The following FZD3 variants were observed in gnomAD, a reference collection of about 807,000 sequenced individuals.
The protein encoded by FZD3 is frizzled-3.
A neutral mutation model predicts 60.7 loss-of-function variants in FZD3; 30 were observed. The ratio of observed to expected loss-of-function variants is 0.49; its 90% CI spans 0.37 to 0.67. FZD3 has a LOEUF of 0.67. Among genes scored for constraint, FZD3 ranks in the 30% least tolerant of loss-of-function variants. The pLI, the probability that FZD3 is intolerant of heterozygous loss-of-function variation, is 0.00. For missense variants in FZD3, 605 were observed against 838.7 expected (o/e 0.72, Z 3.44); for synonymous variants, 246 against 275.2 (o/e 0.89, Z 1.05).
intron 3 of FZD3, among the ~76,000 whole-genome samples, chr8:28,515,415 C>A (rs1804398471): frequency 6.6e-6 from 1 of 152,134 alleles, no homozygotes; most frequent in South Asian, 2.1e-4. Context: ...GGAAGAAGGC[C>A]AAGCGGGTGA....
chr8:28,522,082 A>T (rs1202550148), intron 4 of FZD3, among the ~76,000 whole-genome samples: 5 of 151,712 alleles, frequency 3.3e-5, no homozygotes, highest in Non-Finnish European at 7.4e-5. Context: ...TAATGAAACC[A>T]ATTTGTTTTC....
Position 28,527,912 on chromosome 8 carries a change from A to G in FZD3, c.1152A>G (p.Val384=). Residue 384 remains valine, a synonymous_variant, in exon 5 of 8, where the codon GTA becomes GTG. Transcript: ENST00000240093. This position sits in a 1 kb window ranked among gnomAD's most constrained non-coding sequence, Gnocchi z 5.0. ...TTGCTCCCCTCTGCCTGTATGTGGT[A>G]GTTGGGGTTTCTCTCCTCTTAGCTG... ...FVLAPLCLYV[V]VGVSLLLAGI... 1 of 1,614,092 alleles carries G rather than the reference A, an allele frequency of 6.2e-7. No individual in the cohort carries two copies. Among genetic ancestry groups the G allele is most frequent in the South Asian group, 1.1e-5 (1 of 91,086 alleles).
chr8:28,537,665 G>A (rs1302242202), intron 5 of FZD3, among the ~76,000 whole-genome samples: 1 of 152,206 alleles, frequency 6.6e-6, no homozygotes, highest in Non-Finnish European at 1.5e-5. Context: ...GCTGTAGTTT[G>A]TTGACAAGTA....
chr8:28,547,360 G>T (rs1389868921), intron 5 of FZD3, among the ~76,000 whole-genome samples: 2 of 152,094 alleles, frequency 1.3e-5, no homozygotes, highest in African/African-American at 4.8e-5. Flanking sequence ...TATGATATGT[G>T]TACAATACTT....
At chr8:28,534,800 C>T (rs149198921) in intron 5 of FZD3, among the ~76,000 whole-genome samples, 1,683 of 152,282 alleles carry the variant, frequency 0.011, 19 homozygotes, top group Middle Eastern at 0.027. Flanking sequence ...ATACAGACTT[C>T]TGAATTAAGC....
chr8:28,501,754 A>G (rs1804000074), intron 2 of FZD3, among the ~76,000 whole-genome samples: 1 of 152,184 alleles, frequency 6.6e-6, no homozygotes, highest in South Asian at 2.1e-4. Flanking sequence ...GGAAACAATA[A>G]CTGGGAATTA....
chr8:28,539,864 T>TA (rs869214147), intron 5 of FZD3, among the ~76,000 whole-genome samples: 1 of 137,268 alleles, frequency 7.3e-6, no homozygotes, highest in African/African-American at 2.7e-5. Context: ...TAAAAAAAAA[T>TA]ACCTCAAGTG....
At position 28,504,433 on chromosome 8, in the gene FZD3, GAACTAGA is replaced by G. The variant is rs1032750937; in HGVS notation, c.189+1235_189+1241del. Among the ~76,000 whole-genome samples, 314 of 152,252 alleles carry G rather than the reference GAACTAGA, an allele frequency of 2.1e-3. 4 individuals carry two copies. The highest frequency in any genetic ancestry group is 7.1e-3 in the African/African-American group (296 of 41,552). ...AGCTATCAATTTCTCACAGAAAATT[GAACTAGA>G]AACATTTTTATTTCTGGTATCATTT... On this transcript the variant is annotated intron_variant, in intron 3 of 7. Transcript: ENST00000240093.
intron 3 of FZD3, among the ~76,000 whole-genome samples, chr8:28,506,031 G>GA (rs989983149): frequency 1.3e-5 from 2 of 152,092 alleles, no homozygotes; most frequent in Non-Finnish European, 2.9e-5. Flanking sequence ...CTTTTGATAG[G>GA]AAAAAAATGC....
intron 5 of FZD3, among the ~76,000 whole-genome samples, chr8:28,537,604 C>CA (rs1805050536): frequency 6.6e-6 from 1 of 152,180 alleles, no homozygotes; most frequent in Non-Finnish European, 1.5e-5. Context: ...GGAAGTATTC[C>CA]AATAAAGCTT....
intron 1 of FZD3, among the ~76,000 whole-genome samples, chr8:28,494,584 C>T (rs1164168064): frequency 2.0e-5 from 3 of 152,074 alleles, no homozygotes; most frequent in African/African-American, 7.2e-5. Flanking sequence ...GCGGTGGCGG[C>T]TGGGGGCCTC....
Position 28,565,080 on chromosome 8 carries a change from A to C in FZD3, c.*2069A>C, listed in dbSNP as rs1563410253. 6.6e-6 allele frequency: 1 copy of C among 152,126 alleles called. No homozygotes were observed. 9.4% of individuals were successfully genotyped at this position (152,126 alleles called of 1,614,324 possible). On this transcript the variant is annotated 3_prime_UTR_variant, in exon 8 of 8. Transcript: ENST00000240093. ...TCTTACCCTTTAAAACAAACTGCCAAGAAATTAGGTGTTGAAAAAGAATAT... is the reference window on the plus strand; with the variant it reads ...TCTTACCCTTTAAAACAAACTGCCACGAAATTAGGTGTTGAAAAAGAATAT...
rs1805665711 is a variant in FZD3, at chr8:28,564,254, A to G, written c.*1243A>G. ...ATAATGTTTAAATAATTTACAATATAAACTGTAAAACTTATTAGGCATGAA... is the reference window on the plus strand; with the variant it reads ...ATAATGTTTAAATAATTTACAATATGAACTGTAAAACTTATTAGGCATGAA... On this transcript the variant is annotated 3_prime_UTR_variant, in exon 8 of 8. Coordinates refer to ENST00000240093, the MANE Select transcript of FZD3 (RefSeq NM_017412.4). The G allele has an allele frequency of 6.6e-6, 1 of 152,212 alleles. No individual in the cohort carries two copies. The highest frequency in any genetic ancestry group is 1.5e-5 in the Non-Finnish European group (1 of 68,032). The allele number at this position is 152,212 out of a possible 1,614,324, so 9.4% of individuals were successfully genotyped here.
At chr8:28,535,364 C>T (rs1327840894) in intron 5 of FZD3, among the ~76,000 whole-genome samples, 2 of 152,130 alleles carry the variant, frequency 1.3e-5, no homozygotes, top group Non-Finnish European at 2.9e-5. Flanking sequence ...CACTATGGTA[C>T]ATCTGTTATA....
intron 5 of FZD3, among the ~76,000 whole-genome samples, chr8:28,545,722 G>A (rs1485452061): frequency 6.6e-6 from 1 of 152,168 alleles, no homozygotes; most frequent in African/African-American, 2.4e-5. Context: ...ATAAATTCTT[G>A]CTTTAAGCCG....
chr8:28,555,074 T>C (rs1805484615), intron 6 of FZD3, among the ~76,000 whole-genome samples: 1 of 152,184 alleles, frequency 6.6e-6, no homozygotes, highest in African/African-American at 2.4e-5. Context: ...AACCATAATT[T>C]TTCCCCTAAA....
chr8:28,546,063 A>G (rs1054179847), intron 5 of FZD3, among the ~76,000 whole-genome samples: 1 of 152,250 alleles, frequency 6.6e-6, no homozygotes, highest in Non-Finnish European at 1.5e-5. Flanking sequence ...AGGCTATACC[A>G]TAAAGCCTAG....
Position 28,563,064 on chromosome 8 carries a change from C to T in FZD3, c.*53C>T. On this transcript the variant is annotated 3_prime_UTR_variant, in exon 8 of 8. Transcript: ENST00000240093. ...TGCTGTTTAAAAAGCAGATTTTATT[C>T]TTTGCCTTTTGCATGACTGATAGCT... is the stretch of plus-strand genomic sequence containing the variant. 2 of 1,263,762 alleles carry T rather than the reference C, an allele frequency of 1.6e-6. No individual in the cohort carries two copies. Among genetic ancestry groups the T allele is most frequent in the Non-Finnish European group, 2.3e-6 (2 of 862,434 alleles). The allele number at this position is 1,263,762 out of a possible 1,614,324, so 78.3% of individuals were successfully genotyped here. A position where few individuals can be genotyped will look rare whatever the true frequency, so the allele number is the denominator to read the frequency against.
At position 28,562,972 on chromosome 8, in the gene FZD3, C is replaced by T. The variant is rs775039639; in HGVS notation, c.1962C>T (p.Ser654=). The T allele has an allele frequency of 1.9e-6, 3 of 1,613,224 alleles. No individual in the cohort carries two copies. Residue 654 remains serine (S), a synonymous_variant, in exon 8 of 8, where the codon AGC becomes AGT. Coordinates refer to ENST00000240093, the MANE Select transcript of FZD3 (RefSeq NM_017412.4). The stretch of plus-strand genomic sequence containing the variant: ...TGACTCATATCACACATGGCACCAG[C>T]ATGAATCGGGTTATTGAAGAAGATG... ...NPMTHITHGT[S]MNRVIEEDGT...
Sources: allele counts gnomAD v4.1 joint callset (sites outside exome capture counted in the v4.1 genomes callset), GRCh38; gene constraint gnomAD v4.1.1; non-coding constraint Gnocchi (gnomAD v3.1); transcripts MANE v1.5; gene names NCBI Gene and HGNC (gene_info 2026-07-23, HGNC 2026-07-21).